Variants in PDE1C observed in about 807,000 individuals in gnomAD.
The protein encoded by PDE1C is dual specificity calcium/calmodulin-dependent 3',5'-cyclic nucleotide phosphodiesterase 1C.
A neutral mutation model predicts 93.1 loss-of-function variants in PDE1C; 62 were observed. The observed-to-expected ratio is 0.67, with a 90% CI of 0.54 to 0.82. PDE1C has a LOEUF of 0.82. Among genes scored for constraint, PDE1C ranks in the 40% least tolerant of loss-of-function variants. The pLI, the probability that PDE1C is intolerant of heterozygous loss-of-function variation, is 0.00. For missense variants in PDE1C, 742 were observed against 884.6 expected (o/e 0.84, Z 2.04); for synonymous variants, 325 against 310.1 (o/e 1.05, Z -0.50).
At chr7:31,907,754 C>T (rs563729935) in intron 2 of PDE1C, among the ~76,000 whole-genome samples, 7 of 151,796 alleles carry the variant, frequency 4.6e-5, no homozygotes, top group African/African-American at 9.7e-5. Context: ...GAAAATATCT[C>T]GTATATGAAG....
At chr7:32,099,602 T>C (rs1797944186) in intron 3 of PDE1C, among the ~76,000 whole-genome samples, 1 of 152,162 alleles carries the variant, frequency 6.6e-6, no homozygotes, top group African/African-American at 2.4e-5. Flanking sequence ...CAAACCTACC[T>C]CTCTGGATTC....
In PDE1C at chr7:32,298,703, GA is replaced by G; in HGVS notation, c.32del (p.Phe11SerfsTer18). On this transcript the variant is annotated frameshift_variant, in exon 1 of 19. Transcript: ENST00000396193. LOFTEE classifies it high-confidence loss of function. ...TGAAAGTGGCGCTCCGGCATTTTTT[GA>G]AGCCCTCCTTCCTGTTGCCGGCGTC... The G allele has an allele frequency of 6.2e-7, 1 of 1,606,906 alleles. No individual in the cohort carries two copies. Among genetic ancestry groups the G allele is most frequent in the South Asian group, 1.1e-5 (1 of 89,602 alleles).
At chr7:32,387,379 G>GT (rs1263003418) in intron 1 of PDE1C, among the ~76,000 whole-genome samples, 2 of 151,592 alleles carry the variant, frequency 1.3e-5, no homozygotes, top group East Asian at 3.9e-4. Context: ...CATCCCCAAT[G>GT]AGCCGCTGGG....
At chr7:32,057,531 C>A (rs943611179) in intron 1 of PDE1C, among the ~76,000 whole-genome samples, 2 of 152,222 alleles carry the variant, frequency 1.3e-5, no homozygotes, top group African/African-American at 4.8e-5. Flanking sequence ...GGGCAAAGAG[C>A]ACTGACCTCC....
intron 1 of PDE1C, among the ~76,000 whole-genome samples, chr7:32,222,834 G>T (rs1235696742): frequency 6.6e-6 from 1 of 152,078 alleles, no homozygotes; most frequent in East Asian, 1.9e-4. Flanking sequence ...CTCTTCCCCA[G>T]ATTTCACCAT....
At chr7:31,773,877 T>C (rs571939814) in intron 17 of PDE1C, among the ~76,000 whole-genome samples, 7 of 152,164 alleles carry the variant, frequency 4.6e-5, no homozygotes, top group East Asian at 1.9e-4. Flanking sequence ...AAGCAAACCA[T>C]TGTAGTGCAC....
chr7:31,680,402 A>G, the PDE1C span, among the ~76,000 whole-genome samples: 27 of 152,212 alleles, frequency 1.8e-4, no homozygotes, highest in Non-Finnish European at 3.4e-4. Context: ...CAAGCCTGTT[A>G]TGGAGTGAAG....
At chr7:32,006,969 T>C (rs1475064550) in intron 2 of PDE1C, among the ~76,000 whole-genome samples, 1 of 152,182 alleles carries the variant, frequency 6.6e-6, no homozygotes, top group Non-Finnish European at 1.5e-5. Flanking sequence ...GGTAGAGGAC[T>C]CCCTACCTCC....
chr7:31,956,328 G>C (rs919816859), intron 2 of PDE1C, among the ~76,000 whole-genome samples: 3 of 151,952 alleles, frequency 2.0e-5, no homozygotes, highest in Non-Finnish European at 4.4e-5. Context: ...TCTTGACCTC[G>C]TGATCTGCCT....
chr7:32,383,907 TTGAAATTA>T (rs1369701629), intron 1 of PDE1C, among the ~76,000 whole-genome samples: 1 of 152,204 alleles, frequency 6.6e-6, no homozygotes, highest in Non-Finnish European at 1.5e-5. Flanking sequence ...TTCTGCGTCT[TTGAAATTA>T]TGAAATGAGG....
chr7:32,199,133 TA>T (rs202068264), intron 2 of PDE1C, among the ~76,000 whole-genome samples: 5 of 147,710 alleles, frequency 3.4e-5, no homozygotes, highest in African/African-American at 5.2e-5. Context: ...AATAAAAATT[TA>T]AAAAAAAAAA....
In PDE1C at chr7:31,798,636, T is replaced by C. The variant is rs3807624; in HGVS notation, c.1891+10395A>G. ...GGTCAAAAATCATATCAACAGTTCCTTAGAAACAAATAGATCTTTCAGAAA... is the reference window on the plus strand; with the variant it reads ...GGTCAAAAATCATATCAACAGTTCCCTAGAAACAAATAGATCTTTCAGAAA... On this transcript the variant is annotated intron_variant, in intron 16 of 17. Transcript: ENST00000396191. Among the ~76,000 whole-genome samples, 790 of 151,860 alleles carry C rather than the reference T, an allele frequency of 5.2e-3. 38 individuals are homozygous for C. In the East Asian group the frequency reaches 0.12, roughly 22 times the overall value.
Position 32,417,670 on chromosome 7 carries a change from TA to T in PDE1C, c.310+10151del, listed in dbSNP as rs200338870. The stretch of plus-strand genomic sequence containing the variant: ...TTTTGGTACTATAATCCCAATTTAG[TA>T]AAAAAAAAAAAAAAAAATCATACTG... On this transcript the variant is annotated intron_variant, in intron 1 of 1. Transcript: ENST00000672256. 5.8e-3 allele frequency among the ~76,000 whole-genome samples: 650 copies of T among 112,338 alleles called. 1 individual carries two copies. Among genetic ancestry groups the T allele is most frequent in the East Asian group, 0.015 (57 of 3,820 alleles). The allele number at this position is 112,338 out of a possible 152,430, so 73.7% of individuals were successfully genotyped here.
At position 32,179,547 on chromosome 7, in the gene PDE1C, C is replaced by T. The variant is rs543924341; in HGVS notation, c.137-9591G>A. 7.2e-5 allele frequency among the ~76,000 whole-genome samples: 11 copies of T among 152,306 alleles called. No homozygotes were observed. The South Asian group carries it at 2.3e-3, about 32-fold the overall frequency. On this transcript the variant is annotated intron_variant, in intron 2 of 18. Coordinates refer to the PDE1C transcript ENST00000396193. ...GTGCTGGCATTACAGGCCTGACTTA[C>T]TGTCTTGCATGCAGCAGTTTGCAGC...
chr7:31,669,789 A>G, the PDE1C span, among the ~76,000 whole-genome samples: 2 of 152,340 alleles, frequency 1.3e-5, no homozygotes, highest in African/African-American at 4.8e-5. Context: ...ACAATTTTCA[A>G]TGGGCACTTT....
At chr7:32,209,872 C>T (rs150042063) in intron 1 of PDE1C, among the ~76,000 whole-genome samples, 58 of 152,284 alleles carry the variant, frequency 3.8e-4, no homozygotes, top group African/African-American at 1.3e-3. Flanking sequence ...AGCTAGTGGA[C>T]GTCCTTTGGC....
intron 1 of PDE1C, among the ~76,000 whole-genome samples, chr7:32,355,705 G>A (rs1005570139): frequency 1.3e-5 from 2 of 152,120 alleles, no homozygotes; most frequent in Admixed American, 1.3e-4. Flanking sequence ...TTATTCACCT[G>A]CCAAGCTCCC....
the PDE1C span, among the ~76,000 whole-genome samples, chr7:31,680,242 C>A: frequency 6.6e-6 from 1 of 152,106 alleles, no homozygotes; most frequent in Non-Finnish European, 1.5e-5. Context: ...TGCCAGATGT[C>A]CAGCTTTGAG....
chr7:32,186,087 G>T (rs369544473), intron 2 of PDE1C, among the ~76,000 whole-genome samples: 242 of 128,356 alleles, frequency 1.9e-3, no homozygotes, highest in East Asian at 4.9e-3. Context: ...TTGTTTTTTT[G>T]TTTTTTTTTT....
Sources: gnomAD v4.1 joint callset for allele counts (sites outside exome capture counted in the v4.1 genomes callset) on GRCh38, gnomAD v4.1.1 for gene constraint, MANE v1.5 for transcripts, NCBI Gene and HGNC (gene_info 2026-07-23, HGNC 2026-07-21) for gene names.